CHM: variants seen among roughly 807,000 people sequenced by gnomAD.
CHM encodes rab proteins geranylgeranyltransferase component A 1.
Under a neutral mutation model 49.0 loss-of-function variants are expected in CHM, and 10 were observed. That is an observed-to-expected ratio of 0.20 (90% CI 0.13 to 0.35). The LOEUF (loss-of-function observed/expected upper bound fraction) is 0.35. Ranked by LOEUF, CHM falls within the 10% of genes least tolerant of loss-of-function variation. CHM has a pLI of 1.00. For synonymous variants in CHM, 184 were observed against 167.5 expected, an observed-to-expected ratio of 1.10 and a Z score of -0.76; for missense variants, 455 against 478.4, an observed-to-expected ratio of 0.95 and a Z score of 0.46.
At chrX:85,939,559 C>T (rs2036361001) in intron 8 of CHM, among the ~76,000 whole-genome samples, 1 of 112,308 alleles carries the variant, frequency 8.9e-6, no homozygotes, top group South Asian at 3.7e-4. Context: ...GTTACCTGTA[C>T]AAGCATGTAA....
At chrX:85,984,046 A>C (rs1156696733) in intron 2 of CHM, among the ~76,000 whole-genome samples, 1 of 109,326 alleles carries the variant, frequency 9.1e-6, no homozygotes, top group African/African-American at 3.3e-5. Context: ...TACTAAACAG[A>C]AAAAAATTAG....
chrX:85,906,168 C>T (rs376637381), intron 9 of CHM, among the ~76,000 whole-genome samples: 36 of 111,854 alleles, frequency 3.2e-4, no homozygotes, highest in African/African-American at 9.1e-4. Context: ...AGGAAAAAAA[C>T]GATACAGAAT....
chrX:85,902,079 TG>T (rs1462118063), intron 9 of CHM, among the ~76,000 whole-genome samples: 2 of 112,066 alleles, frequency 1.8e-5, no homozygotes, highest in East Asian at 5.6e-4. Flanking sequence ...TATATGCAAA[TG>T]ACTGTGTGTT....
intron 11 of CHM, among the ~76,000 whole-genome samples, chrX:85,896,307 T>A (rs972950344): frequency 1.8e-5 from 2 of 110,869 alleles, no homozygotes; most frequent in Admixed American, 1.9e-4. Flanking sequence ...CAATTACAAG[T>A]CAGAGGTGAT....
chrX:85,928,666 T>C (rs944859501), intron 8 of CHM, among the ~76,000 whole-genome samples: 1 of 112,464 alleles, frequency 8.9e-6, no homozygotes, highest in South Asian at 3.6e-4. Flanking sequence ...TGTAAGGCAA[T>C]GTTTTCATTT....
At chrX:85,906,921 G>A (rs148755378) in intron 9 of CHM, among the ~76,000 whole-genome samples, 97 of 111,092 alleles carry the variant, frequency 8.7e-4, no homozygotes, top group Non-Finnish European at 1.0e-3. Flanking sequence ...ATCACCTGAG[G>A]TCAGGAGTTC....
intron 4 of CHM, chrX:85,969,075 A>C (rs1286574270): frequency 4.4e-6 from 3 of 678,498 alleles, no homozygotes; most frequent in Non-Finnish European, 5.3e-6. Flanking sequence ...AATTCAAAAT[A>C]AATCAGTAGA....
At chrX:85,875,974 T>G (rs1175080740) in intron 13 of CHM, among the ~76,000 whole-genome samples, 4 of 112,045 alleles carry the variant, frequency 3.6e-5, no homozygotes, top group Non-Finnish European at 7.5e-5. Context: ...ACAAGTCATG[T>G]ATCTGATAAG....
At chrX:85,946,884 A>G (rs1929448491) in intron 8 of CHM, among the ~76,000 whole-genome samples, 1 of 112,555 alleles carries the variant, frequency 8.9e-6, no homozygotes, top group Non-Finnish European at 1.9e-5. Context: ...GCTGAACTCT[A>G]CAAAGCCACA....
intron 11 of CHM, among the ~76,000 whole-genome samples, chrX:85,897,511 G>A (rs751068539): frequency 2.7e-4 from 30 of 109,761 alleles, no homozygotes; most frequent in Non-Finnish European, 4.9e-4. Flanking sequence ...CTGGGCTGAA[G>A]TACACACGTG....
In CHM at chrX:85,994,582, A is replaced by T. The variant is rs755137183; in HGVS notation, c.117-12773T>A. Among the ~76,000 whole-genome samples, 5 of 111,924 alleles carry T rather than the reference A, an allele frequency of 4.5e-5. No individual in the cohort carries two copies. In the South Asian group the frequency reaches 1.9e-3, roughly 42 times the overall value. On this transcript the variant is annotated intron_variant, in intron 2 of 14. Transcript: ENST00000357749. ...AACCCTTCCTTTGTCTTGGAAGGGA[A>T]AATTAAACTCTATTTTCATTAATAG...
At position 85,983,065 on chromosome X, in the gene CHM, C is replaced by T. The variant is rs559767782; in HGVS notation, c.117-1256G>A. On this transcript the variant is annotated intron_variant, in intron 2 of 14. Transcript: ENST00000357749. ...CAATTCTGATTCATGTTTCCTAAAT[C>T]AACTGTCAACACAGGTCTGAAAAGT... 4.0e-4 allele frequency among the ~76,000 whole-genome samples: 44 copies of T among 111,364 alleles called. No homozygotes were observed. In the South Asian group the frequency reaches 0.016, roughly 40 times the overall value.
chrX:86,003,759 A>G (rs1437002496), intron 2 of CHM, among the ~76,000 whole-genome samples: 1 of 112,172 alleles, frequency 8.9e-6, no homozygotes, highest in Non-Finnish European at 1.9e-5. Context: ...ATATGGGGCT[A>G]TGTGAAAAGA....
intron 1 of CHM, among the ~76,000 whole-genome samples, chrX:86,035,993 C>T (rs1345051234): frequency 9.1e-6 from 1 of 109,793 alleles, no homozygotes; most frequent in Non-Finnish European, 1.9e-5. Context: ...CGGGGTTTCA[C>T]CGTGTTAACC....
chrX:86,027,415 T>A (rs1353324084), intron 2 of CHM, 76 bp downstream of exon 2: 2 of 789,571 alleles, frequency 2.5e-6, no homozygotes, highest in Non-Finnish European at 3.9e-6. Context: ...CGTACAGACA[T>A]ATATGTGTTT....
In CHM at chrX:85,864,347, C is replaced by T; in HGVS notation, c.*283G>A. The T allele has an allele frequency of 6.2e-6, 2 of 322,938 alleles. No individual in the cohort carries two copies. Among genetic ancestry groups the T allele is most frequent in the South Asian group, 8.4e-5 (2 of 23,696 alleles). The allele number at this position is 322,938 out of a possible 1,213,427, so 26.6% of individuals were successfully genotyped here. On this transcript the variant is annotated 3_prime_UTR_variant, in exon 15 of 15. Coordinates refer to ENST00000357749, the MANE Select transcript of CHM (RefSeq NM_000390.4). ...GAATTATTAACAATGCATAGGATCACTTTCATATCCACAGTTACATTCCTG... is the reference window on the plus strand; with the variant it reads ...GAATTATTAACAATGCATAGGATCATTTTCATATCCACAGTTACATTCCTG...
chrX:85,897,014 T>C (rs1925900802), intron 11 of CHM, among the ~76,000 whole-genome samples: 1 of 95,647 alleles, frequency 1.0e-5, no homozygotes, highest in Non-Finnish European at 2.0e-5. Flanking sequence ...ATACATATAA[T>C]ATATAATATA....
intron 12 of CHM, 21 bp downstream of exon 12, chrX:85,894,167 T>C (rs1925662963): frequency 6.1e-6 from 7 of 1,149,059 alleles, no homozygotes; most frequent in Admixed American, 2.2e-5. Flanking sequence ...AAAATACAAA[T>C]AACCACTCTA....
chrX:86,047,293 A>T (rs763688055), intron 1 of CHM, 191 bp downstream of exon 1: 10 of 491,117 alleles, frequency 2.0e-5, no homozygotes, highest in African/African-American at 4.7e-5. Flanking sequence ...AAATGGCGAT[A>T]AGCACTGCGG....
Sources: gnomAD v4.1 joint callset for allele counts (sites outside exome capture counted in the v4.1 genomes callset) on GRCh38, gnomAD v4.1.1 for gene constraint, MANE v1.5 for transcripts, NCBI Gene and HGNC (gene_info 2026-07-23, HGNC 2026-07-21) for gene names.